LNPEP: variants seen among roughly 807,000 people sequenced by gnomAD.
LNPEP encodes the protein leucyl and cystinyl aminopeptidase.
A neutral mutation model predicts 120.6 loss-of-function variants in LNPEP; 64 were observed. The ratio of observed to expected loss-of-function variants is 0.53; its 90% CI spans 0.43 to 0.65. LNPEP has a LOEUF of 0.65. Among genes scored for constraint, LNPEP ranks in the 30% least tolerant of loss-of-function variants. The probability of loss-of-function intolerance (pLI) is 0.00; values close to 1 mark genes in which losing one functional copy is unlikely to be tolerated. For missense variants in LNPEP, 1,057 were observed against 1,200.0 expected, an observed-to-expected ratio of 0.88 and a Z score of 1.76; for synonymous variants, 435 against 425.4, an observed-to-expected ratio of 1.02 and a Z score of -0.28.
At chr5:97,012,045 A>C (rs1790942705) in intron 11 of LNPEP, among the ~76,000 whole-genome samples, 1 of 152,194 alleles carries the variant, frequency 6.6e-6, no homozygotes, top group South Asian at 2.1e-4. Flanking sequence ...TTGAAAACAT[A>C]TTTATAAAGC....
chr5:96,978,409 A>G (rs910143678), intron 1 of LNPEP, among the ~76,000 whole-genome samples: 19 of 152,236 alleles, frequency 1.2e-4, no homozygotes, highest in African/African-American at 4.6e-4. Flanking sequence ...ATTGAATTAT[A>G]ATTTTATCTG....
chr5:96,947,771 A>G (rs1228753736), intron 1 of LNPEP, among the ~76,000 whole-genome samples: 1 of 152,206 alleles, frequency 6.6e-6, no homozygotes, highest in Non-Finnish European at 1.5e-5. Flanking sequence ...GCAACCAGAA[A>G]ACTAAATACA....
chr5:97,024,397 A>G, intron 14 of LNPEP, 124 bp from the exon 15 acceptor site: 1 of 836,360 alleles, frequency 1.2e-6, no homozygotes, highest in South Asian at 1.7e-5. Flanking sequence ...TCAACCCTAA[A>G]TTGTGTACTC....
intron 1 of LNPEP, among the ~76,000 whole-genome samples, chr5:96,960,730 T>C (rs2112580058): frequency 6.6e-6 from 1 of 152,324 alleles, no homozygotes; most frequent in East Asian, 1.9e-4. Flanking sequence ...GGCAGAAAAC[T>C]TTTCTATTAG....
intron 2 of LNPEP, among the ~76,000 whole-genome samples, chr5:96,982,744 A>G (rs879430467): frequency 3.9e-5 from 6 of 152,196 alleles, no homozygotes; most frequent in Non-Finnish European, 8.8e-5. Flanking sequence ...AGTTTACCCA[A>G]TTCGATAGCA....
Position 97,026,706 on chromosome 5 carries a change from A to G in LNPEP, c.2813A>G (p.His938Arg). The G allele has an allele frequency of 1.2e-6, 2 of 1,613,478 alleles. No homozygotes were observed. The highest frequency in any genetic ancestry group is 1.7e-4 in the Middle Eastern group (1 of 6,060). ...ACAGTGGGTCGACATTTTCCTGGAC[A>G]CTTACTGGCATGGGATTTTGTCAAA... ...IRTVGRHFPGHLLAWDFVKEN... is the reference protein window; with the variant it reads ...IRTVGRHFPGRLLAWDFVKEN... The change falls in exon 16 of 18, where the codon CAC becomes CGC. Residue 938 changes from histidine to arginine, a missense_variant. Physicochemically the swap from His to Arg is conservative, Grantham distance 29 (BLOSUM62 0). Coordinates refer to ENST00000231368, the MANE Select transcript of LNPEP (RefSeq NM_005575.3).
chr5:96,936,419 C>G (rs1788875035), intron 1 of LNPEP: 2 of 397,668 alleles, frequency 5.0e-6, no homozygotes, highest in African/African-American at 2.1e-5. Flanking sequence ...CGGGGTGCGG[C>G]CGGTGGGCAA....
At chr5:96,963,634 A>G (rs1006687249) in intron 1 of LNPEP, among the ~76,000 whole-genome samples, 1 of 152,178 alleles carries the variant, frequency 6.6e-6, no homozygotes, top group Non-Finnish European at 1.5e-5. Flanking sequence ...CCACAGTGTC[A>G]TTTCTGCTGC....
At position 97,013,797 on chromosome 5, in the gene LNPEP, G is replaced by A. The variant is rs565863278; in HGVS notation, c.2185G>A (p.Ala729Thr). 16 of 1,606,046 alleles carry A rather than the reference G, an allele frequency of 1.0e-5. No individual in the cohort carries two copies. The East Asian group carries it at 3.4e-4, about 34-fold the overall frequency. The change falls in exon 12 of 18, where the codon GCC becomes ACC. Residue 729 changes from alanine to threonine, a missense_variant. Transcript: ENST00000231368. ...TTATGTTCTGAGTGACAAAGACCGA[G>A]CCAACCTTATCAACAACATCTTTGA... ...NPYVLSDKDR[A>T]NLINNIFELA...
intron 1 of LNPEP, among the ~76,000 whole-genome samples, chr5:96,954,640 A>G (rs1045732416): frequency 8.1e-6 from 1 of 122,788 alleles, no homozygotes; most frequent in East Asian, 2.3e-4. Context: ...ATACATATAT[A>G]CATATATACA....
At chr5:96,944,231 A>G (rs541395938) in intron 1 of LNPEP, among the ~76,000 whole-genome samples, 38 of 152,342 alleles carry the variant, frequency 2.5e-4, no homozygotes, top group South Asian at 4.1e-4. Context: ...TTCATCAATG[A>G]AACATCATTA....
At chr5:96,939,655 G>A (rs1276349853) in intron 1 of LNPEP, among the ~76,000 whole-genome samples, 1 of 151,738 alleles carries the variant, frequency 6.6e-6, no homozygotes, top group African/African-American at 2.4e-5. Context: ...TATTACCGCA[G>A]TGTGGTGCAT....
At chr5:96,937,691 A>G (rs1416348245) in intron 1 of LNPEP, 1 of 152,194 alleles carries the variant, frequency 6.6e-6, no homozygotes, top group African/African-American at 2.4e-5. Context: ...AGGCTGACTC[A>G]CCCATTTGGT....
At chr5:96,985,557 CTG>C (rs1790221236) in intron 3 of LNPEP, among the ~76,000 whole-genome samples, 1 of 152,150 alleles carries the variant, frequency 6.6e-6, no homozygotes, top group African/African-American at 2.4e-5. Flanking sequence ...CTATTCTAAA[CTG>C]TTATTTGAGA....
At chr5:96,961,358 T>C (rs1789601143) in intron 1 of LNPEP, among the ~76,000 whole-genome samples, 2 of 152,164 alleles carry the variant, frequency 1.3e-5, no homozygotes, top group Non-Finnish European at 2.9e-5. Context: ...CACTTCTATC[T>C]TCCTCTAGAG....
At chr5:97,026,507 CA>C in intron 15 of LNPEP, 109 bp from the exon 16 acceptor site, 2 of 795,030 alleles carry the variant, frequency 2.5e-6, no homozygotes, top group Non-Finnish European at 4.0e-6. Flanking sequence ...AGTTATTTCT[CA>C]ATTTGCTACA....
chr5:97,010,210 T>C, intron 11 of LNPEP: 1 of 886,566 alleles, frequency 1.1e-6, no homozygotes, highest in Non-Finnish European at 1.4e-6. Context: ...CTCTCTCTCT[T>C]TCTTATCCAC....
rs774098387 is a variant in LNPEP at position 97,006,066 on chromosome 5, T to A, written c.1786-7T>A. ...AAGTTTTATATATATATATATATAT[T>A]TTGTAGGTCACAAACCAAACACTAG... is the stretch of plus-strand genomic sequence containing the variant. On this transcript the variant is annotated splice_polypyrimidine_tract_variant and splice_region_variant and intron_variant, in intron 9 of 17. Transcript: ENST00000231368. 55 of 1,054,712 alleles carry A rather than the reference T, an allele frequency of 5.2e-5. No homozygotes were observed. The highest frequency in any genetic ancestry group is 6.3e-5 in the Non-Finnish European group (49 of 781,076). The allele number at this position is 1,054,712 out of a possible 1,614,324, so 65.3% of individuals were successfully genotyped here. A position where few individuals can be genotyped will look rare whatever the true frequency, so the allele number is the denominator to read the frequency against.
At chr5:96,964,106 T>A (rs1282709765) in intron 1 of LNPEP, among the ~76,000 whole-genome samples, 1 of 151,324 alleles carries the variant, frequency 6.6e-6, no homozygotes, top group Non-Finnish European at 1.5e-5. Flanking sequence ...CTATGATTGA[T>A]ATCAACTTTT....
Sources: allele counts gnomAD v4.1 joint callset (sites outside exome capture counted in the v4.1 genomes callset), GRCh38; gene constraint gnomAD v4.1.1; transcripts MANE v1.5; gene names NCBI Gene and HGNC (gene_info 2026-07-23, HGNC 2026-07-21).